Variants in GIMAP2 observed in about 807,000 individuals in gnomAD.
GIMAP2 encodes GTPase IMAP family member 2.
A neutral mutation model predicts 25.5 loss-of-function variants in GIMAP2; 22 were observed. The observed-to-expected ratio is 0.86, with a 90% CI of 0.62 to 1.23. The LOEUF is 1.23. GIMAP2 is among the 50% of genes most tolerant of loss of function. The probability of loss-of-function intolerance (pLI) is 0.00; values close to 1 mark genes in which losing one functional copy is unlikely to be tolerated. For missense variants in GIMAP2, 422 were observed against 395.7 expected, an observed-to-expected ratio of 1.07 and a Z score of -0.56; for synonymous variants, 167 against 143.0, an observed-to-expected ratio of 1.17 and a Z score of -1.20.
chr7:150,686,277 A>G lies in GIMAP2; in HGVS notation c.-9+492A>G, dbSNP rs79336085. On this transcript the variant is annotated intron_variant, in intron 1 of 2. Coordinates refer to ENST00000223293, the MANE Select transcript of GIMAP2 (RefSeq NM_015660.3). ...TTTCCCAGAGTCATAATCTTCATTC[A>G]CTGAGTCTCTCAGCAAAGACTCAAC... 2.0e-4 allele frequency among the ~76,000 whole-genome samples: 30 copies of G among 152,282 alleles called. No individual in the cohort carries two copies. In the East Asian group the frequency reaches 5.4e-3, roughly 27 times the overall value.
rs201338701 is a variant in GIMAP2, at chr7:150,692,322, T to G, written c.36T>G (p.His12Gln). 1 of 1,613,206 alleles carries G rather than the reference T, an allele frequency of 6.2e-7. No individual in the cohort carries two copies. The highest frequency in any genetic ancestry group is 8.5e-7 in the Non-Finnish European group (1 of 1,179,246). The change falls in exon 3 of 3, where the codon CAT (histidine) becomes CAG (glutamine). Residue 12 changes from histidine to glutamine, a missense_variant. Transcript: ENST00000223293. ...DQNEHSHWGPHAKGQCASRSE... is the reference protein window; with the variant it reads ...DQNEHSHWGPQAKGQCASRSE... ...TAAACTTGCTCCTCACAGGACCACA[T>G]GCAAAGGGCCAATGTGCCAGCAGAT...
At position 150,686,956 on chromosome 7, in the gene GIMAP2, A is replaced by AG. The variant is rs879088983; in HGVS notation, c.-8-96_-8-95insG. ...GAAACTGTGTCTCAAAAAAAAAAAA[A>AG]AAAAAAAGAAAGAAAGAAAAAGAAA... On this transcript the variant is annotated intron_variant, in intron 1 of 2. Transcript: ENST00000223293. 4.4e-5 allele frequency: 36 copies of AG among 812,972 alleles called. 1 individual carries two copies. Among genetic ancestry groups the AG allele is most frequent in the African/African-American group, 1.8e-4 (9 of 48,868 alleles). 50.4% of individuals were successfully genotyped at this position (812,972 alleles called of 1,614,324 possible). A position where few individuals can be genotyped will look rare whatever the true frequency, so the allele number is the denominator to read the frequency against.
chr7:150,689,618 C>A, intron 2 of GIMAP2: 1 of 694,246 alleles, frequency 1.4e-6, no homozygotes, highest in South Asian at 1.5e-5. Flanking sequence ...CTTTTAAGTA[C>A]AAGTGTCCAT....
At position 150,692,744 on chromosome 7, in the gene GIMAP2, G is replaced by T. The variant is rs1349581903; in HGVS notation, c.458G>T (p.Gly153Val). Reference protein sequence around the residue: ...VLFTHKEDLNGGSLMDYMHDS... With the variant: ...VLFTHKEDLNVGSLMDYMHDS... ...TTTACCCACAAGGAAGACCTCAATG[G>T]TGGCTCCCTGATGGATTACATGCAC... is the stretch of plus-strand genomic sequence containing the variant. Residue 153 changes from glycine to valine, a missense_variant, in exon 3 of 3, where the codon GGT becomes GTT. Physicochemically the swap from Gly to Val is moderately radical, Grantham distance 109. Transcript: ENST00000223293. 6.2e-7 allele frequency: 1 copy of T among 1,614,164 alleles called. No homozygotes were observed. Among genetic ancestry groups the T allele is most frequent in the Non-Finnish European group, 8.5e-7 (1 of 1,179,996 alleles).
rs1796974933 is a variant in GIMAP2 at position 150,692,306 on chromosome 7, T to A, written c.29-9T>A. ...TGTAGCGATAACACAGTAAACTTGC[T>A]CCTCACAGGACCACATGCAAAGGGC... On this transcript the variant is annotated splice_polypyrimidine_tract_variant and intron_variant, in intron 2 of 2. Coordinates refer to ENST00000223293, the MANE Select transcript of GIMAP2 (RefSeq NM_015660.3). 1 of 1,610,140 alleles carries A rather than the reference T, an allele frequency of 6.2e-7. No homozygotes were observed. Among genetic ancestry groups the A allele is most frequent in the East Asian group, 2.2e-5 (1 of 44,746 alleles).
Position 150,693,173 on chromosome 7 carries a change from A to G in GIMAP2, c.887A>G (p.Asn296Ser). The G allele has an allele frequency of 6.2e-7, 1 of 1,613,070 alleles. No homozygotes were observed. Among genetic ancestry groups the G allele is most frequent in the Non-Finnish European group, 8.5e-7 (1 of 1,179,254 alleles). The change falls in exon 3 of 3, where the codon AAT (asparagine) becomes AGT (serine). Residue 296 changes from asparagine to serine, a missense_variant. Physicochemically the swap from Asn to Ser is conservative, Grantham distance 46. Coordinates refer to ENST00000223293, the MANE Select transcript of GIMAP2 (RefSeq NM_015660.3). ...CTTTGCATACTGCACAGCATGTGCA[A>G]TTTGTTTTGTTGCTTACTCTTTAGT... ...LWLCILHSMC[N>S]LFCCLLFSMC... is the part of the protein sequence containing the mutation.
rs765107258 is a variant in GIMAP2, at chr7:150,693,097, CTG to C, written c.817_818del (p.Val273PhefsTer31). On this transcript the variant is annotated frameshift_variant, in exon 3 of 3. Coordinates refer to ENST00000223293, the MANE Select transcript of GIMAP2 (RefSeq NM_015660.3). LOFTEE classifies it high-confidence loss of function. ...AAAAGGAGCCTTAATCAAAACACAA[CTG>C]TGTGTTTTATTTTGTATTCAGTTGT... ...CLKGALIKTQ[L>X]CVLFCIQLFL... 29 of 1,611,784 alleles carry C rather than the reference CTG, an allele frequency of 1.8e-5. No homozygotes were observed. In the South Asian group the frequency reaches 2.1e-4, roughly 12 times the overall value.
Position 150,692,907 on chromosome 7 carries a change from G to A in GIMAP2, c.621G>A (p.Met207Ile). 6.2e-7 allele frequency: 1 copy of A among 1,614,200 alleles called. No homozygotes were observed. The highest frequency in any genetic ancestry group is 8.5e-7 in the Non-Finnish European group (1 of 1,180,028). The change falls in exon 3 of 3, where the codon ATG (methionine) becomes ATA (isoleucine). Residue 207 changes from methionine to isoleucine, a missense_variant. Transcript: ENST00000223293. ...TGGACTGTATTGAGGATCTGTTGAT[G>A]GAGAAAAATGGTGATCACTATACCA... The part of the protein sequence containing the change: ...ELMDCIEDLL[M>I]EKNGDHYTNG...
chr7:150,690,532 A>G (rs1796955677), intron 2 of GIMAP2, among the ~76,000 whole-genome samples: 1 of 152,204 alleles, frequency 6.6e-6, no homozygotes, highest in South Asian at 2.1e-4. Flanking sequence ...CACTTGGAAC[A>G]GATCCTGGCA....
At position 150,692,990 on chromosome 7, in the gene GIMAP2, G is replaced by A. The variant is rs201183603; in HGVS notation, c.704G>A (p.Arg235Lys). 101 of 1,613,944 alleles carry A rather than the reference G, an allele frequency of 6.3e-5. No homozygotes were observed. The highest frequency in any genetic ancestry group is 8.5e-5 in the Non-Finnish European group (100 of 1,179,930). ...SKCGPVGSDERVKEFKQSLIK... is the reference protein window; with the variant it reads ...SKCGPVGSDEKVKEFKQSLIK... ...TGTGGACCTGTGGGATCAGATGAAA[G>A]AGTAAAGGAATTCAAACAGAGCCTT... Residue 235 changes from arginine to lysine, a missense_variant, in exon 3 of 3, where the codon AGA becomes AAA. Transcript: ENST00000223293.
rs1473285184 is a variant in GIMAP2 at position 150,692,770 on chromosome 7, G to T, written c.484G>T (p.Asp162Tyr). 1.2e-5 allele frequency: 19 copies of T among 1,614,178 alleles called. No homozygotes were observed. In the South Asian group the frequency reaches 1.4e-4, roughly 12 times the overall value. The change falls in exon 3 of 3, where the codon GAC becomes TAC. Residue 162 changes from aspartate to tyrosine, a missense_variant. By Grantham distance (160) the Asp-to-Tyr change is radical (BLOSUM62 -3). Transcript: ENST00000223293. ...NGGSLMDYMH[D>Y]SDNKALSKLV... is the part of the protein sequence containing the mutation. ...TGGCTCCCTGATGGATTACATGCAC[G>T]ACTCAGATAACAAAGCCCTAAGCAA...
In GIMAP2 at chr7:150,692,252, A is replaced by G. The variant is rs969056521; in HGVS notation, c.29-63A>G. The G allele has an allele frequency of 1.1e-5, 15 of 1,388,624 alleles. No individual in the cohort carries two copies. In the Middle Eastern group the frequency reaches 7.3e-4, roughly 68 times the overall value. 86.0% of individuals were successfully genotyped at this position (1,388,624 alleles called of 1,614,324 possible). The stretch of plus-strand genomic sequence containing the variant: ...AAAAAAAAGAAAAAGAAATGAAAGG[A>G]AAAAAAAATATTCCACTGCCGTGAT... On this transcript the variant is annotated intron_variant, in intron 2 of 2. Transcript: ENST00000223293.
chr7:150,692,182 G>C (rs996164786), intron 2 of GIMAP2, 133 bp from the exon 3 acceptor site: 2 of 785,624 alleles, frequency 2.5e-6, no homozygotes, highest in African/African-American at 1.8e-5. Flanking sequence ...CCGAGATCAC[G>C]CCATTGCACT....
At chr7:150,687,830 TGTATGGTATGGGC>T (rs57417065) in intron 2 of GIMAP2, among the ~76,000 whole-genome samples, 41,445 of 151,362 alleles carry the variant, frequency 0.27, 6,182 homozygotes, top group Middle Eastern at 0.38. Context: ...TTCTGCTATC[TGTATGGTATGGGC>T]GTCTCTCTCT....
intron 1 of GIMAP2, 146 bp from the exon 2 acceptor site, chr7:150,686,906 T>TG (rs2116499924): frequency 1.7e-6 from 1 of 576,894 alleles, no homozygotes; most frequent in South Asian, 2.1e-5. Flanking sequence ...ATCGCACCAC[T>TG]GCACTCCAGC....
intron 2 of GIMAP2, among the ~76,000 whole-genome samples, chr7:150,691,945 A>G (rs912402296): frequency 6.6e-6 from 1 of 151,938 alleles, no homozygotes; most frequent in Non-Finnish European, 1.5e-5. Flanking sequence ...ATATTCCACT[A>G]CCGGCTGGGC....
rs778027630 is a variant in GIMAP2 at position 150,692,479 on chromosome 7, C to G, written c.193C>G (p.Gln65Glu). The change falls in exon 3 of 3, where the codon CAG becomes GAG. Residue 65 changes from glutamine to glutamate, a missense_variant. Gln to Glu is a conservative substitution (Grantham distance 29). Transcript: ENST00000223293. The part of the protein sequence containing the change: ...QTLTKTCSKS[Q>E]GSWGNREIVI... ...CTTGACTAAGACTTGCAGCAAAAGT[C>G]AGGGAAGCTGGGGAAATAGAGAGAT... 2 of 1,614,150 alleles carry G rather than the reference C, an allele frequency of 1.2e-6. No homozygotes were observed. The highest frequency in any genetic ancestry group is 1.7e-6 in the Non-Finnish European group (2 of 1,179,992).
intron 2 of GIMAP2, 37 bp from the exon 3 acceptor site, chr7:150,692,278 C>G (rs1250155036): frequency 1.9e-6 from 3 of 1,574,962 alleles, no homozygotes; most frequent in Non-Finnish European, 2.6e-6. Flanking sequence ...CTGCCGTGAT[C>G]AGTGTAGCGA....
At chr7:150,688,077 T>A (rs1005714828) in intron 2 of GIMAP2, among the ~76,000 whole-genome samples, 40 of 152,032 alleles carry the variant, frequency 2.6e-4, no homozygotes, top group Non-Finnish European at 4.1e-4. Context: ...AGAAACAACT[T>A]TTTTTTTCCT....
Sources: allele counts gnomAD v4.1 joint callset (sites outside exome capture counted in the v4.1 genomes callset), GRCh38; gene constraint gnomAD v4.1.1; transcripts MANE v1.5; gene names NCBI Gene and HGNC (gene_info 2026-07-23, HGNC 2026-07-21).